CREM: variants seen among roughly 807,000 people sequenced by gnomAD.
The protein encoded by CREM is cAMP-responsive element modulator.
A neutral mutation model predicts 37.3 loss-of-function variants in CREM; 13 were observed. That is an observed-to-expected ratio of 0.35 (90% confidence interval 0.23 to 0.55). The LOEUF (loss-of-function observed/expected upper bound fraction) is 0.55, where lower values mean the gene tolerates loss of function less well. Ranked by LOEUF, CREM falls within the 20% of genes least tolerant of loss-of-function variation. The pLI is 0.88. For synonymous variants in CREM, 124 were observed against 120.2 expected (o/e 1.03, Z -0.21); for missense variants, 296 against 362.3 (o/e 0.82, Z 1.49).
At chr10:35,188,494 G>A in intron 6 of CREM, 106 bp downstream of exon 6, 1 of 1,021,284 alleles carries the variant, frequency 9.8e-7, no homozygotes, top group African/African-American at 1.7e-5. Context: ...GTAGATGGTG[G>A]GGGGTTGGGA....
At chr10:35,208,601 C>T (rs957201470) in intron 7 of CREM, among the ~76,000 whole-genome samples, 1 of 152,182 alleles carries the variant, frequency 6.6e-6, no homozygotes, top group Non-Finnish European at 1.5e-5. Flanking sequence ...CAGACTCCCG[C>T]TCCCGGCTGT....
chr10:35,147,055 T>TG (rs1234468225), intron 2 of CREM, among the ~76,000 whole-genome samples: 17 of 145,912 alleles, frequency 1.2e-4, no homozygotes, highest in African/African-American at 3.8e-4. Flanking sequence ...TTTTTTTTTT[T>TG]TTTTTTTTTT....
At chr10:35,131,808 T>C (rs984488192) in intron 1 of CREM, among the ~76,000 whole-genome samples, 1 of 152,234 alleles carries the variant, frequency 6.6e-6, no homozygotes, top group Non-Finnish European at 1.5e-5. Context: ...TACGTAGATA[T>C]GTGTTTTCAG....
intron 3 of CREM, among the ~76,000 whole-genome samples, chr10:35,149,895 C>CACACACAG (rs2092453775): frequency 1.0e-5 from 1 of 98,726 alleles, no homozygotes; most frequent in Non-Finnish European, 2.2e-5. Context: ...CTTAAACACA[C>CACACACAG]ACACACACAC....
intron 2 of CREM, among the ~76,000 whole-genome samples, chr10:35,139,777 A>G (rs1398875080): frequency 6.6e-6 from 1 of 152,236 alleles, no homozygotes; most frequent in Admixed American, 6.5e-5. Context: ...TTAGCTATAA[A>G]TTATATAGTG....
intron 3 of CREM, chr10:35,175,570 A>T: frequency 8.5e-7 from 1 of 1,170,462 alleles, no homozygotes; most frequent in Non-Finnish European, 1.3e-6. Context: ...GAGGTAGTTT[A>T]ACTGCTTTAG....
Position 35,179,204 on chromosome 10 carries a change from G to A in CREM, c.337G>A (p.Glu113Lys). 1.9e-6 allele frequency: 3 copies of A among 1,614,106 alleles called. No homozygotes were observed. The highest frequency in any genetic ancestry group is 1.7e-4 in the Middle Eastern group (1 of 6,056). ...PKIEEERSEE[E>K]GTPPSIATMA... is the part of the protein sequence containing the mutation. ...GATTGAAGAAGAGAGATCAGAGGAA[G>A]AAGGAACACCACCTAGTATTGCTAC... is the stretch of plus-strand genomic sequence containing the variant. Residue 113 changes from glutamate (E) to lysine (K), a missense_variant, in exon 5 of 8, where the codon GAA becomes AAA. Around this residue, in one of 2 missense-constraint regions of CREM, gnomAD observed 257 missense variants for 280.2 expected, o/e 0.92. Transcript: ENST00000685392.
intron 6 of CREM, among the ~76,000 whole-genome samples, chr10:35,192,462 C>A (rs1430486488): frequency 6.6e-6 from 1 of 152,180 alleles, no homozygotes; most frequent in Non-Finnish European, 1.5e-5. Context: ...ATTTCTCCTG[C>A]CTCAGCTTCC....
rs115378752 is a variant in CREM at position 35,209,176 on chromosome 10, G to A, written c.756-2078G>A. The stretch of plus-strand genomic sequence containing the variant: ...GATAACCTGCAAATTTCACTTCCTG[G>A]GGAAGTGTGAGGCTTTAGTCATTCA... On this transcript the variant is annotated intron_variant, in intron 7 of 7. Transcript: ENST00000685392. The A allele has an allele frequency of 2.9e-3, 1,050 of 358,530 alleles. 15 individuals are homozygous for A. The highest frequency in any genetic ancestry group is 0.022 in the African/African-American group (981 of 45,208). 22.2% of individuals were successfully genotyped at this position (358,530 alleles called of 1,614,324 possible). A position where few individuals can be genotyped will look rare whatever the true frequency, so the allele number is the denominator to read the frequency against.
intron 3 of CREM, among the ~76,000 whole-genome samples, chr10:35,161,185 G>C (rs1223339714): frequency 6.6e-6 from 1 of 151,856 alleles, no homozygotes; most frequent in Non-Finnish European, 1.5e-5. Flanking sequence ...TGCCCATGCT[G>C]GTGTGTGGTG....
At chr10:35,161,180 A>T (rs1323510086) in intron 3 of CREM, among the ~76,000 whole-genome samples, 3 of 151,980 alleles carry the variant, frequency 2.0e-5, no homozygotes, top group Non-Finnish European at 4.4e-5. Flanking sequence ...TCTGTTGCCC[A>T]TGCTGGTGTG....
chr10:35,184,608 G>A (rs2094476231), intron 5 of CREM, among the ~76,000 whole-genome samples: 2 of 152,182 alleles, frequency 1.3e-5, no homozygotes, highest in Admixed American at 6.5e-5. Context: ...TAGAGCCAGT[G>A]TGTGAGGGGT....
chr10:35,178,682 C>T (rs544855079), intron 3 of CREM, among the ~76,000 whole-genome samples: 17 of 152,354 alleles, frequency 1.1e-4, no homozygotes, highest in Non-Finnish European at 1.9e-4. Flanking sequence ...CCTTTCCACA[C>T]ACATTTGTTT....
At chr10:35,205,418 T>G (rs1179493777) in intron 6 of CREM, among the ~76,000 whole-genome samples, 1 of 152,214 alleles carries the variant, frequency 6.6e-6, no homozygotes, top group Non-Finnish European at 1.5e-5. Flanking sequence ...AGAGCTTTGC[T>G]GGGTTTTTAT....
chr10:35,170,112 G>T (rs1046705578), intron 3 of CREM, among the ~76,000 whole-genome samples: 1 of 151,812 alleles, frequency 6.6e-6, no homozygotes, highest in African/African-American at 2.4e-5. Flanking sequence ...ACAGGCACCC[G>T]CCACCACACC....
intron 3 of CREM, among the ~76,000 whole-genome samples, chr10:35,149,783 G>A (rs756267655): frequency 4.0e-5 from 6 of 151,784 alleles, no homozygotes; most frequent in Admixed American, 2.0e-4. Context: ...ACACCCACTC[G>A]TTCCCTGCAG....
intron 3 of CREM, among the ~76,000 whole-genome samples, chr10:35,170,505 A>G (rs2093760553): frequency 6.6e-6 from 1 of 152,204 alleles, no homozygotes; most frequent in African/African-American, 2.4e-5. Context: ...TTCTGGTAGA[A>G]TTCGGCTGTG....
chr10:35,130,196 C>CAA (rs754455183), intron 1 of CREM, among the ~76,000 whole-genome samples: 158 of 65,582 alleles, frequency 2.4e-3, no homozygotes, highest in East Asian at 3.9e-3. Context: ...AACTCAGTCT[C>CAA]AAAAAAAAAA....
In CREM at chr10:35,178,184, GATTC is replaced by G; in HGVS notation, c.169-701_169-698del. ...TCAAAATCAGTCATGTTGTTGAAGA[GATTC>G]ATTATTTTAGTTTTCTGACTTCTTT... On this transcript the variant is annotated intron_variant, in intron 3 of 7. Coordinates refer to ENST00000685392, the MANE Select transcript of CREM (RefSeq NM_183011.2). Among the ~76,000 whole-genome samples, 3 of 152,210 alleles carry G rather than the reference GATTC, an allele frequency of 2.0e-5. No homozygotes were observed. In the South Asian group the frequency reaches 6.2e-4, roughly 32 times the overall value.
Sources: allele counts gnomAD v4.1 joint callset (sites outside exome capture counted in the v4.1 genomes callset), GRCh38; gene constraint gnomAD v4.1.1; regional missense constraint gnomAD v4.1.1; transcripts MANE v1.5; gene names NCBI Gene and HGNC (gene_info 2026-07-23, HGNC 2026-07-21).